Variants in ITPRID1 observed in about 807,000 individuals in gnomAD.
The protein encoded by ITPRID1 is protein ITPRID1.
Under a neutral mutation model 95.4 loss-of-function variants are expected in ITPRID1, and 96 were observed. That is an observed-to-expected ratio of 1.01 (90% CI 0.85 to 1.19). The LOEUF is 1.19. ITPRID1 is among the 50% of genes most tolerant of loss of function. The pLI is 0.00. For missense variants in ITPRID1, 1,339 were observed against 1,252.9 expected (o/e 1.07, Z -1.04); for synonymous variants, 510 against 453.6 (o/e 1.12, Z -1.58).
chr7:31,548,816 G>T (rs543713242), intron 1 of ITPRID1, among the ~76,000 whole-genome samples: 1 of 152,040 alleles, frequency 6.6e-6, no homozygotes, highest in Admixed American at 6.6e-5. Context: ...TTTGAGAATA[G>T]GAGGGGTTCT....
chr7:31,583,208 G>A lies in ITPRID1; in HGVS notation c.1228+17G>A, dbSNP rs372050570. ...GAACTGTAGGTAAGAATTCATCAAG[G>A]TGTGTGATCTCATCAATGGTCTTTC... is the stretch of plus-strand genomic sequence containing the variant. On this transcript the variant is annotated intron_variant, in intron 10 of 14. Transcript: ENST00000615280. 3.2e-6 allele frequency: 5 copies of A among 1,563,708 alleles called. No individual in the cohort carries two copies. Among genetic ancestry groups the A allele is most frequent in the Non-Finnish European group, 4.4e-6 (5 of 1,136,922 alleles).
chr7:31,563,021 C>A (rs1338162130), intron 5 of ITPRID1, among the ~76,000 whole-genome samples: 2 of 152,176 alleles, frequency 1.3e-5, no homozygotes, highest in African/African-American at 2.4e-5. Context: ...AAATTATAAA[C>A]CCCACTGAGA....
At chr7:31,538,037 G>A (rs1030385445) in intron 1 of ITPRID1, among the ~76,000 whole-genome samples, 2 of 152,134 alleles carry the variant, frequency 1.3e-5, no homozygotes, top group South Asian at 2.1e-4. Context: ...ATTATTGATG[G>A]CCATGTAGGT....
intron 10 of ITPRID1, among the ~76,000 whole-genome samples, chr7:31,619,924 G>A (rs141933416): frequency 3.0e-3 from 451 of 152,276 alleles, no homozygotes; most frequent in African/African-American, 9.0e-3. Flanking sequence ...CTTTTCCGAC[G>A]GGCTTAAAAA....
At chr7:31,641,687 T>C (rs952578305) in intron 10 of ITPRID1, among the ~76,000 whole-genome samples, 1 of 152,186 alleles carries the variant, frequency 6.6e-6, no homozygotes, top group African/African-American at 2.4e-5. Context: ...AGAGCAGTGA[T>C]CTAAAACATG....
At chr7:31,615,686 CTAA>C (rs1228998972) in intron 10 of ITPRID1, among the ~76,000 whole-genome samples, 2 of 151,686 alleles carry the variant, frequency 1.3e-5, no homozygotes, top group African/African-American at 4.9e-5. Context: ...AAGATCATTA[CTAA>C]TAACATACTA....
chr7:31,516,278 GTGTA>G (rs1285332816), intron 1 of ITPRID1, among the ~76,000 whole-genome samples: 1 of 152,184 alleles, frequency 6.6e-6, no homozygotes, highest in Non-Finnish European at 1.5e-5. Context: ...GTGTGTGCAT[GTGTA>G]TGTATGTATG....
intron 10 of ITPRID1, among the ~76,000 whole-genome samples, chr7:31,625,865 A>G (rs1188374152): frequency 1.3e-5 from 2 of 152,120 alleles, no homozygotes. Flanking sequence ...ATAAATGCTT[A>G]AAATAAAGTG....
chr7:31,627,007 A>G (rs1242025452), intron 10 of ITPRID1, among the ~76,000 whole-genome samples: 1 of 152,254 alleles, frequency 6.6e-6, no homozygotes, highest in East Asian at 1.9e-4. Context: ...TGAATTATGT[A>G]TGTCTAAAAC....
chr7:31,551,912 A>G (rs1277718613), intron 2 of ITPRID1: 2 of 419,612 alleles, frequency 4.8e-6, no homozygotes, highest in South Asian at 1.7e-5. Flanking sequence ...AGCATATGTC[A>G]TGGAAGTAAT....
At chr7:31,625,710 C>T (rs959013717) in intron 10 of ITPRID1, among the ~76,000 whole-genome samples, 2 of 151,852 alleles carry the variant, frequency 1.3e-5, no homozygotes, top group African/African-American at 4.8e-5. Context: ...CAACATGTCA[C>T]ATGTATACAT....
chr7:31,611,376 A>G (rs532572305), intron 10 of ITPRID1, among the ~76,000 whole-genome samples: 1 of 151,944 alleles, frequency 6.6e-6, no homozygotes, highest in East Asian at 1.9e-4. Flanking sequence ...ACAAGCAAAA[A>G]TACATTTTTA....
At chr7:31,567,326 CCCCATCTTA>C (rs1784834205) in intron 5 of ITPRID1, among the ~76,000 whole-genome samples, 1 of 152,098 alleles carries the variant, frequency 6.6e-6, no homozygotes, top group African/African-American at 2.4e-5. Context: ...TTTATATGTA[CCCCATCTTA>C]CCCTGTTTCT....
At chr7:31,617,431 A>G (rs1360346328) in intron 10 of ITPRID1, among the ~76,000 whole-genome samples, 2 of 152,192 alleles carry the variant, frequency 1.3e-5, no homozygotes, top group African/African-American at 4.8e-5. Context: ...TAATAACCAA[A>G]TCTCCCCAAC....
chr7:31,640,773 C>T (rs1789949166), intron 10 of ITPRID1, among the ~76,000 whole-genome samples: 1 of 151,860 alleles, frequency 6.6e-6, no homozygotes. Context: ...CAAATATTTT[C>T]TATTTTTTTA....
At chr7:31,557,049 TCTC>T (rs1784471268) in intron 5 of ITPRID1, among the ~76,000 whole-genome samples, 1 of 151,792 alleles carries the variant, frequency 6.6e-6, no homozygotes, top group Non-Finnish European at 1.5e-5. Flanking sequence ...CATGGCTTCT[TCTC>T]CTTGTGAGTC....
At chr7:31,522,085 T>C (rs964291417) in intron 1 of ITPRID1, among the ~76,000 whole-genome samples, 10 of 152,092 alleles carry the variant, frequency 6.6e-5, no homozygotes, top group African/African-American at 2.2e-4. Context: ...CAAGTCTTTT[T>C]CTAACTAAGC....
intron 10 of ITPRID1, among the ~76,000 whole-genome samples, chr7:31,619,959 C>T (rs4552796): frequency 0.98 from 148,718 of 152,292 alleles, 72,626 homozygotes; most frequent in East Asian, 0.99. Context: ...GACTATATCC[C>T]GCACCTGGCT....
chr7:31,599,523 C>T (rs970111221), intron 10 of ITPRID1, among the ~76,000 whole-genome samples: 2 of 152,096 alleles, frequency 1.3e-5, no homozygotes, highest in African/African-American at 4.8e-5. Context: ...GTAATTATGG[C>T]AAAATGTTAA....
Sources: gnomAD v4.1 joint callset for allele counts (sites outside exome capture counted in the v4.1 genomes callset) on GRCh38, gnomAD v4.1.1 for gene constraint, MANE v1.5 for transcripts, NCBI Gene and HGNC (gene_info 2026-07-23, HGNC 2026-07-21) for gene names.